The following ANO2 variants were observed in gnomAD, a reference collection of about 807,000 sequenced individuals.
The protein encoded by ANO2 is anoctamin 2, also known as anoctamin-2.
In ANO2, 101 loss-of-function variants were observed where a neutral mutation model predicts 124.2. The ratio of observed to expected loss-of-function variants is 0.81; its 90% confidence interval spans 0.69 to 0.96. The LOEUF is 0.96. ANO2 is among the 40% of genes least tolerant of loss of function. ANO2 has a pLI of 0.00. For synonymous variants in ANO2, 486 were observed against 482.5 expected (o/e 1.01, Z -0.09); for missense variants, 1,293 against 1,274.5 (o/e 1.01, Z -0.22).
At chr12:5,827,268 T>C (rs1174535571) in intron 7 of ANO2, among the ~76,000 whole-genome samples, 1 of 152,144 alleles carries the variant, frequency 6.6e-6, no homozygotes, top group East Asian at 1.9e-4. Context: ...CAGCCGGATA[T>C]GGTGAGAAGA....
intron 19 of ANO2, among the ~76,000 whole-genome samples, chr12:5,603,911 G>C (rs1338515112): frequency 3.1e-5 from 4 of 129,834 alleles, no homozygotes; most frequent in Non-Finnish European, 6.2e-5. Flanking sequence ...CGCCACTGCA[G>C]TCCGTCCTGG....
chr12:5,849,165 A>G (rs1004111954), intron 4 of ANO2, among the ~76,000 whole-genome samples: 6 of 152,186 alleles, frequency 3.9e-5, no homozygotes, highest in Non-Finnish European at 5.9e-5. Flanking sequence ...TCTATTAACA[A>G]TAGCTACAAA....
At chr12:5,766,192 C>G (rs1449200706) in intron 10 of ANO2, among the ~76,000 whole-genome samples, 1 of 152,188 alleles carries the variant, frequency 6.6e-6, no homozygotes, top group Non-Finnish European at 1.5e-5. Flanking sequence ...CCCAGCAACT[C>G]TACTCCCAAG....
intron 3 of ANO2, among the ~76,000 whole-genome samples, chr12:5,857,209 T>C (rs112454477): frequency 3.9e-5 from 6 of 152,328 alleles, no homozygotes; most frequent in Non-Finnish European, 8.8e-5. Flanking sequence ...CCGACATCCA[T>C]TCTGCCCTGC....
intron 10 of ANO2, among the ~76,000 whole-genome samples, chr12:5,768,749 C>T (rs993172410): frequency 6.6e-6 from 1 of 152,148 alleles, no homozygotes; most frequent in Non-Finnish European, 1.5e-5. Flanking sequence ...GGATTGTCAC[C>T]ACTCTGCCAA....
intron 14 of ANO2, among the ~76,000 whole-genome samples, chr12:5,660,007 T>C (rs430061): frequency 0.4 from 61,517 of 152,006 alleles, 13,828 homozygotes; most frequent in African/African-American, 0.58. Context: ...CTCTGAGCCT[T>C]CTTGTCTGCA....
intron 15 of ANO2, among the ~76,000 whole-genome samples, chr12:5,637,485 C>T (rs996897565): frequency 6.6e-6 from 1 of 151,994 alleles, no homozygotes; most frequent in African/African-American, 2.4e-5. Context: ...AGATCAGCTT[C>T]TGTTCTTCTC....
At chr12:5,841,780 C>G (rs576913025) in intron 4 of ANO2, among the ~76,000 whole-genome samples, 283 of 152,352 alleles carry the variant, frequency 1.9e-3, no homozygotes, top group African/African-American at 6.6e-3. Context: ...TCCTCTCCCC[C>G]ACTTTCATCT....
At chr12:5,825,696 T>C (rs1953933715) in intron 7 of ANO2, among the ~76,000 whole-genome samples, 2 of 152,198 alleles carry the variant, frequency 1.3e-5, no homozygotes, top group Non-Finnish European at 2.9e-5. Context: ...ATGAAATCAG[T>C]CTACTACTCC....
intron 10 of ANO2, among the ~76,000 whole-genome samples, chr12:5,792,691 C>T (rs562770521): frequency 2.6e-5 from 4 of 152,320 alleles, no homozygotes; most frequent in East Asian, 1.9e-4. Flanking sequence ...AATTTTCCCT[C>T]GTGATCTTTT....
At position 5,600,108 on chromosome 12, in the gene ANO2, T is replaced by C. The variant is rs1276572580; in HGVS notation, c.2088-479A>G. ...CACCACTACTATGGACTGAATGATG[T>C]CTGCTGAAATTCATTTGTTGAAGCT... On this transcript the variant is annotated intron_variant, in intron 19 of 24. Coordinates refer to ENST00000682330, the MANE Select transcript of ANO2 (RefSeq NM_001364791.2). Among the ~76,000 whole-genome samples, 4 of 152,226 alleles carry C rather than the reference T, an allele frequency of 2.6e-5. No homozygotes were observed. The South Asian group carries it at 8.3e-4, about 32-fold the overall frequency.
At chr12:5,569,571 C>T (rs1941978621) in intron 23 of ANO2, among the ~76,000 whole-genome samples, 1 of 152,172 alleles carries the variant, frequency 6.6e-6, no homozygotes, top group Non-Finnish European at 1.5e-5. Context: ...AGCAGCTACG[C>T]CACTTACTAC....
intron 3 of ANO2, among the ~76,000 whole-genome samples, chr12:5,883,159 C>T (rs1447435474): frequency 1.3e-5 from 2 of 152,074 alleles, no homozygotes; most frequent in Admixed American, 6.5e-5. Flanking sequence ...TTTCCCTTTC[C>T]GGGCTTCCCG....
intron 12 of ANO2, among the ~76,000 whole-genome samples, chr12:5,743,570 G>A (rs184473736): frequency 1.4e-3 from 212 of 152,134 alleles, no homozygotes; most frequent in African/African-American, 5.0e-3. Flanking sequence ...GAGGAAGGGA[G>A]GAGGAGAAAA....
intron 3 of ANO2, among the ~76,000 whole-genome samples, chr12:5,865,163 C>T (rs1041638308): frequency 2.0e-5 from 3 of 152,224 alleles, no homozygotes; most frequent in African/African-American, 7.2e-5. Context: ...AATCTTTACA[C>T]TATTTTCCTA....
At chr12:5,759,966 C>A (rs1048413596) in intron 10 of ANO2, among the ~76,000 whole-genome samples, 31 of 152,112 alleles carry the variant, frequency 2.0e-4, no homozygotes, top group African/African-American at 7.5e-4. Flanking sequence ...TTTGGATCTA[C>A]ACAATGAAAT....
In ANO2 at chr12:5,809,677, C is replaced by T. The variant is rs141864064; in HGVS notation, c.893-2309G>A. Among the ~76,000 whole-genome samples the T allele has an allele frequency of 6.3e-3, 966 of 152,310 alleles. 13 individuals are homozygous for T. The highest frequency in any genetic ancestry group is 0.022 in the African/African-American group (898 of 41,556). ...GGGACATTAAAGCCATGCGCCCTATCCCCCATCTTAAATAAAGCTTCCTGT... is the reference window on the plus strand; with the variant it reads ...GGGACATTAAAGCCATGCGCCCTATTCCCCATCTTAAATAAAGCTTCCTGT... On this transcript the variant is annotated intron_variant, in intron 7 of 24. Coordinates refer to ENST00000682330, the MANE Select transcript of ANO2 (RefSeq NM_001364791.2).
At chr12:5,873,551 T>C (rs1937877277) in intron 3 of ANO2, among the ~76,000 whole-genome samples, 1 of 152,222 alleles carries the variant, frequency 6.6e-6, no homozygotes, top group African/African-American at 2.4e-5. Flanking sequence ...AAGGAGAGCC[T>C]GCTTAAAGCC....
chr12:5,870,900 T>A (rs1483482385), intron 3 of ANO2, among the ~76,000 whole-genome samples: 2 of 152,246 alleles, frequency 1.3e-5, no homozygotes, highest in Non-Finnish European at 2.9e-5. Flanking sequence ...AGGGGGGCAC[T>A]ACCATGGAGA....
Sources: gnomAD v4.1 joint callset for allele counts (sites outside exome capture counted in the v4.1 genomes callset) on GRCh38, gnomAD v4.1.1 for gene constraint, MANE v1.5 for transcripts, NCBI Gene and HGNC (gene_info 2026-07-23, HGNC 2026-07-21) for gene names.